The following FAM227B variants were observed in gnomAD, a reference collection of about 807,000 sequenced individuals.
FAM227B encodes the protein family with sequence similarity 227 member B.
In FAM227B, 88 loss-of-function variants were observed where a neutral mutation model predicts 73.8. The ratio of observed to expected loss-of-function variants is 1.19; its 90% CI spans 1.00 to 1.42. FAM227B has a LOEUF of 1.42. Among genes scored for constraint, FAM227B ranks in the 40% most tolerant of loss-of-function variants. FAM227B has a pLI of 0.00. For synonymous variants in FAM227B, 210 were observed against 190.5 expected (o/e 1.10, Z -0.84); for missense variants, 632 against 590.9 (o/e 1.07, Z -0.72).
chr15:49,480,157 T>C (rs1339148566), intron 11 of FAM227B, among the ~76,000 whole-genome samples: 3 of 152,208 alleles, frequency 2.0e-5, no homozygotes, highest in Non-Finnish European at 2.9e-5. Context: ...TTCCCAGTGT[T>C]AATGGTATTT....
intron 11 of FAM227B, among the ~76,000 whole-genome samples, chr15:49,398,211 C>A (rs963749702): frequency 4.6e-5 from 7 of 152,008 alleles, no homozygotes; most frequent in Non-Finnish European, 7.4e-5. Context: ...GTCTCTGATA[C>A]AACAGACTTT....
chr15:49,415,983 A>C (rs552265714), intron 11 of FAM227B, among the ~76,000 whole-genome samples: 31 of 152,208 alleles, frequency 2.0e-4, no homozygotes, highest in African/African-American at 6.7e-4. Flanking sequence ...TTTTATATTA[A>C]TACTTAGAAT....
In FAM227B at chr15:49,521,862, G is replaced by A. The variant is rs548698340; in HGVS notation, c.875-13514C>T. On this transcript the variant is annotated intron_variant, in intron 10 of 15. Coordinates refer to ENST00000299338, the MANE Select transcript of FAM227B (RefSeq NM_152647.3). ...GATGAGGAGATGGTGCAGCCCCCACGCCATTTCTCCACCCCAGACCTCAGC... is the reference window on the plus strand; with the variant it reads ...GATGAGGAGATGGTGCAGCCCCCACACCATTTCTCCACCCCAGACCTCAGC... Among the ~76,000 whole-genome samples, 28 of 152,174 alleles carry A rather than the reference G, an allele frequency of 1.8e-4. No individual in the cohort carries two copies. In the South Asian group the frequency reaches 5.0e-3, roughly 27 times the overall value.
At chr15:49,329,213 A>G in intron 15 of FAM227B, 1 of 986,520 alleles carries the variant, frequency 1.0e-6, no homozygotes, top group Non-Finnish European at 1.2e-6. Context: ...TGGGATTTGT[A>G]ATGGTATTGA....
At chr15:49,395,743 T>C (rs2047536759) in intron 11 of FAM227B, among the ~76,000 whole-genome samples, 1 of 152,232 alleles carries the variant, frequency 6.6e-6, no homozygotes, top group Non-Finnish European at 1.5e-5. Context: ...TTACAGCGAC[T>C]ACGAGGCAGT....
intron 11 of FAM227B, among the ~76,000 whole-genome samples, chr15:49,403,072 G>A (rs146513496): frequency 3.0e-3 from 459 of 152,242 alleles, no homozygotes; most frequent in African/African-American, 0.011. Flanking sequence ...TTTATGTGAC[G>A]AATCACATTT....
At chr15:49,573,699 T>C (rs1305788783) in intron 8 of FAM227B, among the ~76,000 whole-genome samples, 1 of 152,188 alleles carries the variant, frequency 6.6e-6, no homozygotes, top group Admixed American at 6.6e-5. Context: ...AGCCAATTCA[T>C]TCTGTTCATT....
chr15:49,600,997 G>A lies in FAM227B; in HGVS notation c.105+10218C>T, dbSNP rs879257031. On this transcript the variant is annotated intron_variant, in intron 3 of 15. Coordinates refer to ENST00000299338, the MANE Select transcript of FAM227B (RefSeq NM_152647.3). ...GCAGAGGTTGCGGTGAGTGGAGATC[G>A]CGCCATTGCACTCCAGCCTGGGTGA... Among the ~76,000 whole-genome samples the A allele has an allele frequency of 2.4e-4, 35 of 147,088 alleles. No individual in the cohort carries two copies. In the South Asian group the frequency reaches 5.3e-3, roughly 22 times the overall value.
At chr15:49,523,900 C>T (rs1042963963) in intron 10 of FAM227B, among the ~76,000 whole-genome samples, 7 of 152,206 alleles carry the variant, frequency 4.6e-5, no homozygotes, top group Admixed American at 6.5e-5. Context: ...TGTGGAACTT[C>T]GAACTTGAGA....
chr15:49,528,858 C>T (rs2060402633), intron 10 of FAM227B, among the ~76,000 whole-genome samples: 1 of 151,602 alleles, frequency 6.6e-6, no homozygotes, highest in South Asian at 2.1e-4. Context: ...GAAAAGGTAA[C>T]TTACACACCA....
intron 11 of FAM227B, chr15:49,395,903 A>C (rs949039242): frequency 6.4e-5 from 29 of 455,526 alleles, no homozygotes; most frequent in South Asian, 1.7e-4. Context: ...AGAAACTTCC[A>C]GGTTCTTAAT....
chr15:49,556,588 C>A (rs940638406), intron 9 of FAM227B, among the ~76,000 whole-genome samples: 1 of 152,114 alleles, frequency 6.6e-6, no homozygotes, highest in Non-Finnish European at 1.5e-5. Context: ...TAATGTAGGC[C>A]CCCGGGAGGC....
At chr15:49,366,526 TG>T in intron 13 of FAM227B, 2 of 1,497,674 alleles carry the variant, frequency 1.3e-6, no homozygotes, top group Admixed American at 3.3e-5. Context: ...CTAGGGTACT[TG>T]GAAGAGCTGA....
At chr15:49,355,162 A>G (rs2042922782) in intron 13 of FAM227B, among the ~76,000 whole-genome samples, 1 of 152,066 alleles carries the variant, frequency 6.6e-6, no homozygotes, top group South Asian at 2.1e-4. Context: ...GAAAAACTGG[A>G]AACTCTAAAA....
At chr15:49,406,055 T>A (rs1370312479) in intron 11 of FAM227B, among the ~76,000 whole-genome samples, 1 of 152,212 alleles carries the variant, frequency 6.6e-6, no homozygotes, top group African/African-American at 2.4e-5. Context: ...GCTCTAACTC[T>A]GAGGGACTTG....
At chr15:49,423,398 A>G (rs1368111370) in intron 11 of FAM227B, 1 of 152,210 alleles carries the variant, frequency 6.6e-6, no homozygotes, top group African/African-American at 2.4e-5. Context: ...GGCAGACAAC[A>G]GACATGGAAT....
Position 49,587,943 on chromosome 15 carries a change from C to A in FAM227B, c.405+73G>T, listed in dbSNP as rs373566125. The A allele has an allele frequency of 5.5e-6, 7 of 1,268,140 alleles. No individual in the cohort carries two copies. In the African/African-American group the frequency reaches 9.2e-5, roughly 17 times the overall value. 78.6% of individuals were successfully genotyped at this position (1,268,140 alleles called of 1,614,324 possible). On this transcript the variant is annotated intron_variant, in intron 5 of 15. Transcript: ENST00000299338. The stretch of plus-strand genomic sequence containing the variant: ...TTACAAAAGTGTTATTAGTGCTCAT[C>A]TGTGGAAATGTAGTGTTTATATTTT...
chr15:49,528,351 G>T (rs2060360865), intron 10 of FAM227B, among the ~76,000 whole-genome samples: 1 of 151,588 alleles, frequency 6.6e-6, no homozygotes, highest in Admixed American at 6.6e-5. Flanking sequence ...ATTAACCTAA[G>T]ATAGATGAGA....
At position 49,593,668 on chromosome 15, in the gene FAM227B, TGTAA is replaced by T. The variant is rs556539871; in HGVS notation, c.106-3665_106-3662del. On this transcript the variant is annotated intron_variant, in intron 3 of 15. Transcript: ENST00000299338. ...GTGTCCTCATAGCTTAGCTGCCACT[TGTAA>T]GTGAGAACATACGATATTTGATTTT... Among the ~76,000 whole-genome samples the T allele has an allele frequency of 9.0e-4, 137 of 152,242 alleles. 5 individuals are homozygous for T. In the South Asian group the frequency reaches 0.026, roughly 29 times the overall value.
Sources: gnomAD v4.1 joint callset for allele counts (sites outside exome capture counted in the v4.1 genomes callset) on GRCh38, gnomAD v4.1.1 for gene constraint, MANE v1.5 for transcripts, NCBI Gene and HGNC (gene_info 2026-07-23, HGNC 2026-07-21) for gene names.